The following GPR35 variants were observed in gnomAD, a reference collection of about 807,000 sequenced individuals.
The protein encoded by GPR35 is G protein-coupled receptor 35, also known as KYNA receptor.
For synonymous variants in GPR35, 207 were observed against 198.4 expected (o/e 1.04, Z -0.36); for missense variants, 372 against 422.5 (o/e 0.88, Z 1.05).
At chr2:240,609,260 T>C (rs1361889511) in intron 2 of GPR35, among the ~76,000 whole-genome samples, 1 of 152,204 alleles carries the variant, frequency 6.6e-6, no homozygotes, top group African/African-American at 2.4e-5. Context: ...TTTCATTTGT[T>C]CTTGGTGTTG....
chr2:240,618,916 T>C, exon 5 of GPR35: 1 of 700,968 alleles, frequency 1.4e-6, no homozygotes, highest in South Asian at 1.5e-5. Flanking sequence ...GTGAACACGC[T>C]TCATTCAACC....
exon 3 of GPR35, chr2:240,616,470 C>A (rs753181809): frequency 1.3e-6 from 1 of 780,854 alleles, no homozygotes; most frequent in South Asian, 1.3e-5. Flanking sequence ...CTGCCAATCT[C>A]CTGTCGACTG....
upstream of GPR35, among the ~76,000 whole-genome samples, chr2:240,621,647 G>A (rs774708669): frequency 7.2e-5 from 11 of 152,088 alleles, no homozygotes; most frequent in Admixed American, 2.6e-4. Context: ...AAGGAGTCTC[G>A]ATTCAGACCT....
upstream of GPR35, among the ~76,000 whole-genome samples, chr2:240,624,278 A>G (rs997386151): frequency 2.6e-5 from 4 of 151,916 alleles, no homozygotes; most frequent in Non-Finnish European, 4.4e-5. Flanking sequence ...CCCCTCTCCA[A>G]TGAACATCAT....
rs13387859 is a variant in GPR35, at chr2:240,630,178, G to T, written c.226G>T (p.Val76Leu). ...CTGCCTGCTGTGCACCTTGCCCTTC[G>T]TGCTGCACTCCCTGCGAGACACCTC... ...DLCLLCTLPF[V>L]LHSLRDTSDT... is the part of the protein sequence containing the mutation. Residue 76 changes from valine to leucine, a missense_variant, in exon 2 of 2, where the codon GTG (valine) becomes TTG (leucine). Physicochemically the swap from Val to Leu is conservative, Grantham distance 32. Coordinates refer to ENST00000407714, the MANE Select transcript of GPR35 (RefSeq NM_005301.5). The T allele has an allele frequency of 6.3e-7, 1 of 1,590,726 alleles. No individual in the cohort carries two copies. The highest frequency in any genetic ancestry group is 1.1e-5 in the South Asian group (1 of 90,756).
chr2:240,623,614 AG>A (rs1157686829), upstream of GPR35, among the ~76,000 whole-genome samples: 2 of 151,816 alleles, frequency 1.3e-5, no homozygotes, highest in African/African-American at 2.4e-5. Context: ...CCTGAGTGGG[AG>A]GGGGCAGAGC....
At chr2:240,613,191 C>G (rs1470963742) in intron 2 of GPR35, among the ~76,000 whole-genome samples, 1 of 152,154 alleles carries the variant, frequency 6.6e-6, no homozygotes, top group Non-Finnish European at 1.5e-5. Flanking sequence ...GTGGGGACAG[C>G]AGGCGCTGCA....
upstream of GPR35, among the ~76,000 whole-genome samples, chr2:240,620,629 C>T (rs1357221910): frequency 1.3e-5 from 2 of 152,102 alleles, no homozygotes; most frequent in Admixed American, 1.3e-4. Context: ...TGGTGCCCAG[C>T]TCCTGCCAAG....
chr2:240,623,367 C>CGCAAACAGGTCATGAGGGT (rs2043324828), upstream of GPR35, among the ~76,000 whole-genome samples: 1 of 81,858 alleles, frequency 1.2e-5, no homozygotes, highest in Non-Finnish European at 2.8e-5. Context: ...GTCGTGAGGG[C>CGCAAACAGGTCATGAGGGT]GCAAACAGGT....
At chr2:240,614,073 A>G (rs1338507972) in intron 2 of GPR35, among the ~76,000 whole-genome samples, 1 of 152,026 alleles carries the variant, frequency 6.6e-6, no homozygotes. Context: ...ACCATGCCTC[A>G]TGTGGACCCG....
upstream of GPR35, among the ~76,000 whole-genome samples, chr2:240,624,965 C>CGTGTGCATGTGT (rs559077204): frequency 6.6e-6 from 1 of 152,090 alleles, no homozygotes; most frequent in South Asian, 2.1e-4. Context: ...TGTGCATTGG[C>CGTGTGCATGTGT]GTGTGCATGT....
chr2:240,614,389 G>A (rs2043219573), intron 2 of GPR35, among the ~76,000 whole-genome samples: 1 of 152,210 alleles, frequency 6.6e-6, no homozygotes, highest in Non-Finnish European at 1.5e-5. Context: ...TTCAGCCAAT[G>A]TCAGACCTCA....
upstream of GPR35, among the ~76,000 whole-genome samples, chr2:240,623,320 TCGTGAGGGCGCAAACAGGTCGTGAGGGC>T (rs1559437453): frequency 2.2e-3 from 304 of 140,730 alleles, 14 homozygotes; most frequent in Non-Finnish European, 2.2e-3. Context: ...CGCAAACAGG[TCGTGAGGGCGCAAACAGGTCGTGAGGGC>T]GCAAACAGGT....
At position 240,617,416 on chromosome 2, in the gene GPR35, G is replaced by A. The variant is rs182989662; in HGVS notation, c.-149+23G>A. Reference sequence around the variant, plus strand: ...GAGGTAATTTTTTTGTGTAGCAATAGGTAGCTGACAATGCACAGCTAAAAT... The same window carrying A: ...GAGGTAATTTTTTTGTGTAGCAATAAGTAGCTGACAATGCACAGCTAAAAT... On this transcript the variant is annotated intron_variant, in intron 4 of 5. Coordinates refer to the GPR35 transcript ENST00000319838. 2,322 of 605,662 alleles carry A rather than the reference G, an allele frequency of 3.8e-3. 79 individuals carry two copies. The Admixed American group carries it at 0.062, about 16-fold the overall frequency. 37.5% of individuals were successfully genotyped at this position (605,662 alleles called of 1,614,324 possible).
At position 240,630,946 on chromosome 2, in the gene GPR35, G is replaced by C. The variant is rs1339039704; in HGVS notation, c.*64G>C. On this transcript the variant is annotated 3_prime_UTR_variant, in exon 2 of 2. Transcript: ENST00000407714. ...CTCCGGGAGGTGCTGCCTGCCAGGG[G>C]AAGCTGGAACCAGTAGCAAGGAGCC... The C allele has an allele frequency of 7.1e-7, 1 of 1,407,192 alleles. No individual in the cohort carries two copies. The highest frequency in any genetic ancestry group is 1.4e-5 in the African/African-American group (1 of 70,110). The allele number at this position is 1,407,192 out of a possible 1,614,324, so 87.2% of individuals were successfully genotyped here.
At chr2:240,625,989 G>A (rs1422678022) in intron 1 of GPR35, among the ~76,000 whole-genome samples, 14 of 95,408 alleles carry the variant, frequency 1.5e-4, no homozygotes, top group African/African-American at 2.3e-4. Context: ...TCTCAGAGCA[G>A]GGTGAGGCTG....
upstream of GPR35, among the ~76,000 whole-genome samples, chr2:240,623,462 T>TCGTGAGGGC (rs2043329744): frequency 1.0e-4 from 3 of 29,302 alleles, no homozygotes; most frequent in African/African-American, 4.7e-4. Flanking sequence ...GTCGTGAGGG[T>TCGTGAGGGC]GCAAACAGGT....
At chr2:240,607,875 TTTC>T (rs746987058) in intron 2 of GPR35, among the ~76,000 whole-genome samples, 4 of 151,734 alleles carry the variant, frequency 2.6e-5, no homozygotes, top group Non-Finnish European at 5.9e-5. Context: ...TTCTTTCTTC[TTTC>T]TTCTTCTTCT....
rs2043445263 is a variant in GPR35 at position 240,631,232 on chromosome 2, T to C, written c.*350T>C. 1 of 312,516 alleles carries C rather than the reference T, an allele frequency of 3.2e-6. No individual in the cohort carries two copies. The highest frequency in any genetic ancestry group is 6.6e-5 in the East Asian group (1 of 15,226). 19.4% of individuals were successfully genotyped at this position (312,516 alleles called of 1,614,324 possible). A position where few individuals can be genotyped will look rare whatever the true frequency, so the allele number is the denominator to read the frequency against. On this transcript the variant is annotated 3_prime_UTR_variant, in exon 2 of 2. Transcript: ENST00000407714. Reference sequence around the variant, plus strand: ...CTGCCGCTGCCCCTCGGGGCTGGAATAAAACTCCCCACCCAGAGTCAGTCC... The same window carrying C: ...CTGCCGCTGCCCCTCGGGGCTGGAACAAAACTCCCCACCCAGAGTCAGTCC...
Sources: gnomAD v4.1 joint callset for allele counts (sites outside exome capture counted in the v4.1 genomes callset) on GRCh38, gnomAD v4.1.1 for gene constraint, MANE v1.5 for transcripts, NCBI Gene and HGNC (gene_info 2026-07-23, HGNC 2026-07-21) for gene names.